HK2: variants seen among roughly 807,000 people sequenced by gnomAD.
HK2 encodes hexokinase 2, also known as hexokinase-2.
HK2 carries 42 observed loss-of-function variants against 92.9 expected under a neutral mutation model. The observed-to-expected ratio is 0.45, with a 90% CI of 0.35 to 0.58. HK2 has a LOEUF of 0.58. HK2 is among the 20% of genes least tolerant of loss of function. HK2 has a pLI of 0.00. For synonymous variants in HK2, 422 were observed against 468.0 expected (o/e 0.90, Z 1.27); for missense variants, 978 against 1,245.1 (o/e 0.79, Z 3.23).
rs1689723197 is a variant in HK2, at chr2:74,893,114, G to A, written c.*2173G>A. ...TTGTTGGTTTCCAAAAAGGAACACT[G>A]GAAAATAAATTTTGAATGTTTATGT... is the stretch of plus-strand genomic sequence containing the variant. On this transcript the variant is annotated 3_prime_UTR_variant, in exon 18 of 18. Transcript: ENST00000290573. 1 of 151,184 alleles carries A rather than the reference G, an allele frequency of 6.6e-6. No homozygotes were observed. The highest frequency in any genetic ancestry group is 2.1e-4 in the South Asian group (1 of 4,792). 9.4% of individuals were successfully genotyped at this position (151,184 alleles called of 1,614,324 possible).
At position 74,889,232 on chromosome 2, in the gene HK2, C is replaced by G. The variant is rs368983067; in HGVS notation, c.2376-13C>G. ...TGCATGACTGAACACTTGCTGTCTCCCTCCCACCCCAGTGACTGCCTGGCC... is the reference window on the plus strand; with the variant it reads ...TGCATGACTGAACACTTGCTGTCTCGCTCCCACCCCAGTGACTGCCTGGCC... On this transcript the variant is annotated splice_polypyrimidine_tract_variant and intron_variant, in intron 16 of 17. Transcript: ENST00000290573. 1.2e-6 allele frequency: 2 copies of G among 1,606,420 alleles called. No individual in the cohort carries two copies. The highest frequency in any genetic ancestry group is 1.7e-6 in the Non-Finnish European group (2 of 1,175,040).
At chr2:74,840,878 CAAAAAAAAA>C (rs56344068) in intron 1 of HK2, among the ~76,000 whole-genome samples, 1 of 55,950 alleles carries the variant, frequency 1.8e-5, no homozygotes. Flanking sequence ...GACTCTGTCT[CAAAAAAAAA>C]AAAAAAAAAA....
chr2:74,880,642 C>T, intron 10 of HK2, 73 bp downstream of exon 10: 1 of 1,443,762 alleles, frequency 6.9e-7, no homozygotes, highest in African/African-American at 1.4e-5. Flanking sequence ...GGAGGGATCC[C>T]TTAGCATTAG....
At chr2:74,855,814 T>C (rs1558792602) in intron 2 of HK2, among the ~76,000 whole-genome samples, 1 of 151,850 alleles carries the variant, frequency 6.6e-6, no homozygotes, top group African/African-American at 2.4e-5. Context: ...CTCTGGTGGG[T>C]GGGCAAAAAG....
At chr2:74,839,882 G>A (rs1486368198) in intron 1 of HK2, among the ~76,000 whole-genome samples, 1 of 149,776 alleles carries the variant, frequency 6.7e-6, no homozygotes, top group Non-Finnish European at 1.5e-5. Flanking sequence ...TCGATCTCTT[G>A]ACCTCGTGAT....
intron 7 of HK2, among the ~76,000 whole-genome samples, 188 bp downstream of exon 7, chr2:74,874,637 T>A (rs542224792): frequency 6.6e-6 from 1 of 152,200 alleles, no homozygotes; most frequent in East Asian, 1.9e-4. Context: ...CAAGCGGATA[T>A]ACCAGATTAT....
intron 3 of HK2, among the ~76,000 whole-genome samples, chr2:74,870,137 T>C (rs1689061963): frequency 6.6e-6 from 1 of 151,774 alleles, no homozygotes; most frequent in African/African-American, 2.4e-5. Flanking sequence ...GCCTCCCGAG[T>C]AGCTGGGACT....
At chr2:74,859,862 C>G (rs1231883547) in intron 2 of HK2, among the ~76,000 whole-genome samples, 2 of 152,130 alleles carry the variant, frequency 1.3e-5, no homozygotes, top group African/African-American at 4.8e-5. Flanking sequence ...CAAAAAGATG[C>G]CTGCACTTGT....
chr2:74,873,918 CA>C lies in HK2; in HGVS notation c.668del (p.Asn223ThrfsTer64). 2 of 1,613,602 alleles carry C rather than the reference CA, an allele frequency of 1.2e-6. No homozygotes were observed. The highest frequency in any genetic ancestry group is 1.7e-6 in the Non-Finnish European group (2 of 1,179,546). On this transcript the variant is annotated frameshift_variant, in exon 6 of 18. Transcript: ENST00000290573. LOFTEE classifies it high-confidence loss of function. ...TGATGACCTGTGGTTATGATGACCA[CA>C]ACTGTGAGATTGGTCTCATTGTGGG... is the stretch of plus-strand genomic sequence containing the variant. ...TMMTCGYDDH[N>X]CEIGLIVGTG... is the part of the protein sequence containing the mutation.
At chr2:74,837,672 CT>C (rs894014535) in intron 1 of HK2, among the ~76,000 whole-genome samples, 19,951 of 104,002 alleles carry the variant, frequency 0.19, 768 homozygotes, top group South Asian at 0.25. Context: ...TTGCCCTTGT[CT>C]TTTTTTTTTT....
At chr2:74,873,640 G>T (rs1689152953) in intron 5 of HK2, among the ~76,000 whole-genome samples, 1 of 152,024 alleles carries the variant, frequency 6.6e-6, no homozygotes, top group African/African-American at 2.4e-5. Flanking sequence ...TTCCAAGTAA[G>T]AAAGTTGGAA....
intron 1 of HK2, among the ~76,000 whole-genome samples, chr2:74,837,884 C>T (rs1688205604): frequency 6.6e-6 from 1 of 151,948 alleles, no homozygotes; most frequent in South Asian, 2.1e-4. Context: ...CCATGTTGGC[C>T]AGGATGGTCT....
intron 1 of HK2, among the ~76,000 whole-genome samples, chr2:74,848,864 A>C (rs946618447): frequency 2.6e-5 from 4 of 152,220 alleles, no homozygotes; most frequent in African/African-American, 7.2e-5. Context: ...CTTCTGGGCC[A>C]GAAGGGTTGA....
chr2:74,859,985 G>T (rs1688784832), intron 2 of HK2, among the ~76,000 whole-genome samples: 2 of 152,302 alleles, frequency 1.3e-5, no homozygotes, highest in South Asian at 4.1e-4. Flanking sequence ...ATACTGTTCA[G>T]TCTTAAAATA....
At chr2:74,878,064 T>G (rs1282632575) in intron 8 of HK2, among the ~76,000 whole-genome samples, 1 of 152,166 alleles carries the variant, frequency 6.6e-6, no homozygotes, top group Non-Finnish European at 1.5e-5. Flanking sequence ...CCCAAGGTGA[T>G]GCAAGTACCC....
Position 74,891,397 on chromosome 2 carries a change from G to A in HK2, c.*456G>A, listed in dbSNP as rs1353945721. The A allele has an allele frequency of 4.8e-5, 11 of 229,552 alleles. No individual in the cohort carries two copies. The highest frequency in any genetic ancestry group is 4.0e-4 in the South Asian group (7 of 17,410). 14.2% of individuals were successfully genotyped at this position (229,552 alleles called of 1,614,324 possible). A position where few individuals can be genotyped will look rare whatever the true frequency, so the allele number is the denominator to read the frequency against. On this transcript the variant is annotated 3_prime_UTR_variant, in exon 18 of 18. Coordinates refer to ENST00000290573, the MANE Select transcript of HK2 (RefSeq NM_000189.5). ...TGGGAGGTCTCCACTGAGGATGTGA[G>A]CCTGATTATCCTATAGGCAGACGTG...
chr2:74,889,662 G>A (rs144288239), intron 17 of HK2, among the ~76,000 whole-genome samples, 184 bp downstream of exon 17: 136 of 152,072 alleles, frequency 8.9e-4, no homozygotes, highest in African/African-American at 3.0e-3. Context: ...ACCCCCCACC[G>A]TGGGAAGCCC....
rs1217024687 is a variant in HK2 at position 74,854,474 on chromosome 2, G to A, written c.226+19G>A. 6.2e-7 allele frequency: 1 copy of A among 1,613,688 alleles called. No homozygotes were observed. The highest frequency in any genetic ancestry group is 1.3e-5 in the African/African-American group (1 of 74,932). On this transcript the variant is annotated intron_variant, in intron 2 of 17. Coordinates refer to ENST00000290573, the MANE Select transcript of HK2 (RefSeq NM_000189.5). ...GGGACAGGTACTGCATCTGGGGGAT[G>A]GCTCTAGCTGCTGCGTTACTCAGGG...
intron 1 of HK2, among the ~76,000 whole-genome samples, chr2:74,835,919 AG>A (rs1450083437): frequency 4.6e-5 from 7 of 152,134 alleles, no homozygotes; most frequent in African/African-American, 1.7e-4. Context: ...AGGGCATAGG[AG>A]GCATATTAAT....
Sources: gnomAD v4.1 joint callset for allele counts (sites outside exome capture counted in the v4.1 genomes callset) on GRCh38, gnomAD v4.1.1 for gene constraint, MANE v1.5 for transcripts, NCBI Gene and HGNC (gene_info 2026-07-23, HGNC 2026-07-21) for gene names.